The following NR6A1 variants were observed in gnomAD, a reference collection of about 807,000 sequenced individuals.
NR6A1 encodes retinoic acid receptor-related testis-associated receptor.
NR6A1 carries 7 observed loss-of-function variants against 59.1 expected under a neutral mutation model. The ratio of observed to expected loss-of-function variants is 0.12; its 90% CI spans 0.07 to 0.22. NR6A1 has a LOEUF of 0.22. NR6A1 is among the 10% of genes least tolerant of loss of function. NR6A1 has a pLI of 1.00. For synonymous variants in NR6A1, 243 were observed against 236.1 expected, an observed-to-expected ratio of 1.03 and a Z score of -0.27; for missense variants, 468 against 611.6, an observed-to-expected ratio of 0.77 and a Z score of 2.48.
At chr9:124,538,531 C>A (rs896808553) in intron 5 of NR6A1, among the ~76,000 whole-genome samples, 1 of 151,912 alleles carries the variant, frequency 6.6e-6, no homozygotes, top group Non-Finnish European at 1.5e-5. Context: ...ATGTTGGGGT[C>A]GCCACTGGAC....
chr9:124,575,810 A>G (rs1292856134), intron 2 of NR6A1, among the ~76,000 whole-genome samples: 1 of 152,192 alleles, frequency 6.6e-6, no homozygotes. Context: ...AATATAGTAA[A>G]TGCTCAAACA....
intron 2 of NR6A1, among the ~76,000 whole-genome samples, chr9:124,695,793 A>C (rs769383502): frequency 2.6e-5 from 4 of 152,200 alleles, no homozygotes; most frequent in Non-Finnish European, 4.4e-5. Context: ...TTATTTCCAA[A>C]ATTTCTGAAA....
chr9:124,748,582 C>T (rs1191612757), intron 1 of NR6A1, among the ~76,000 whole-genome samples: 2 of 152,116 alleles, frequency 1.3e-5, no homozygotes, highest in Admixed American at 6.5e-5. Flanking sequence ...TAACTTAAGC[C>T]GGGCGCAGTG....
intron 5 of NR6A1, among the ~76,000 whole-genome samples, chr9:124,539,161 T>C (rs1212135391): frequency 1.3e-5 from 2 of 151,712 alleles, no homozygotes; most frequent in Non-Finnish European, 2.9e-5. Context: ...CACCTTGACC[T>C]CCCAAAGTGC....
rs1229141268 is a variant in NR6A1 at position 124,520,829 on chromosome 9, C to T, written c.*1876G>A. On this transcript the variant is annotated 3_prime_UTR_variant, in exon 10 of 10. Coordinates refer to ENST00000487099, the MANE Select transcript of NR6A1 (RefSeq NM_033334.4). ...CCCACTGACGTGAAAAACATGCTAG[C>T]TGGAGCTTTTCCTGAGGAACATGTC... The T allele has an allele frequency of 6.6e-6, 1 of 152,230 alleles. No homozygotes were observed. The highest frequency in any genetic ancestry group is 1.5e-5 in the Non-Finnish European group (1 of 68,044). 9.4% of individuals were successfully genotyped at this position (152,230 alleles called of 1,614,324 possible). A position where few individuals can be genotyped will look rare whatever the true frequency, so the allele number is the denominator to read the frequency against.
At chr9:124,526,944 T>C (rs1306994789) in intron 7 of NR6A1, 44 bp from the exon 8 acceptor site, 3 of 1,610,688 alleles carry the variant, frequency 1.9e-6, no homozygotes, top group Admixed American at 1.7e-5. Context: ...GTGACACCAG[T>C]AGGGGCCAGG....
chr9:124,609,719 T>A (rs1483999231), intron 2 of NR6A1, among the ~76,000 whole-genome samples: 1 of 152,236 alleles, frequency 6.6e-6, no homozygotes, highest in Non-Finnish European at 1.5e-5. Context: ...ATTTTGACAA[T>A]ATTGATTCTT....
chr9:124,708,364 T>A (rs1264164434), intron 2 of NR6A1, among the ~76,000 whole-genome samples: 1 of 152,222 alleles, frequency 6.6e-6, no homozygotes, highest in Admixed American at 6.5e-5. Context: ...AAACTCCTGC[T>A]GTTCTTACCC....
At chr9:124,537,290 A>G (rs1387268528) in intron 6 of NR6A1, among the ~76,000 whole-genome samples, 1 of 152,100 alleles carries the variant, frequency 6.6e-6, no homozygotes, top group Non-Finnish European at 1.5e-5. Flanking sequence ...GGGTTTCACC[A>G]TGTTGGCCAG....
At chr9:124,719,325 G>A (rs535899038) in intron 2 of NR6A1, among the ~76,000 whole-genome samples, 1 of 152,220 alleles carries the variant, frequency 6.6e-6, no homozygotes, top group East Asian at 1.9e-4. Flanking sequence ...GAGCTCAAGG[G>A]ATCCACAAAG....
At chr9:124,640,027 AT>A (rs1217218871) in intron 2 of NR6A1, among the ~76,000 whole-genome samples, 1 of 152,172 alleles carries the variant, frequency 6.6e-6, no homozygotes, top group Non-Finnish European at 1.5e-5. Context: ...GTTTATTTCC[AT>A]TTTTAAAATG....
chr9:124,525,216 T>A (rs1832898607), intron 8 of NR6A1, among the ~76,000 whole-genome samples: 1 of 151,770 alleles, frequency 6.6e-6, no homozygotes, highest in Non-Finnish European at 1.5e-5. Context: ...CTTCACAATA[T>A]CTTTAAATTT....
At chr9:124,700,665 T>C (rs114509961) in intron 2 of NR6A1, among the ~76,000 whole-genome samples, 1,567 of 152,240 alleles carry the variant, frequency 0.01, 27 homozygotes, top group African/African-American at 0.036. Context: ...TGTTTATCCA[T>C]TCACCAGCTG....
intron 2 of NR6A1, among the ~76,000 whole-genome samples, chr9:124,647,327 C>T (rs1339301206): frequency 6.6e-6 from 1 of 152,092 alleles, no homozygotes; most frequent in Non-Finnish European, 1.5e-5. Flanking sequence ...GGAGACATTT[C>T]AGAAATACAA....
intron 2 of NR6A1, among the ~76,000 whole-genome samples, chr9:124,591,261 T>C (rs1414490739): frequency 6.6e-6 from 1 of 152,236 alleles, no homozygotes; most frequent in African/African-American, 2.4e-5. Flanking sequence ...ACATTAAGCA[T>C]GTTCTGGGCA....
At chr9:124,763,347 TACTC>T (rs1840834035) in intron 1 of NR6A1, among the ~76,000 whole-genome samples, 1 of 152,238 alleles carries the variant, frequency 6.6e-6, no homozygotes, top group South Asian at 2.1e-4. Flanking sequence ...CAACAGTTTT[TACTC>T]ACTATTGTTT....
chr9:124,731,974 G>A (rs1362302769), intron 2 of NR6A1, among the ~76,000 whole-genome samples: 1 of 151,974 alleles, frequency 6.6e-6, no homozygotes, highest in African/African-American at 2.4e-5. Flanking sequence ...TATAGCTGCT[G>A]GTATACTGGG....
At chr9:124,743,373 G>C (rs757999382) in intron 1 of NR6A1, among the ~76,000 whole-genome samples, 1 of 152,236 alleles carries the variant, frequency 6.6e-6, no homozygotes, top group Non-Finnish European at 1.5e-5. Flanking sequence ...AGAGCTTTAA[G>C]TAGTAGCTCT....
intron 2 of NR6A1, among the ~76,000 whole-genome samples, chr9:124,573,337 C>CAT (rs778838406): frequency 1.3e-5 from 2 of 152,202 alleles, no homozygotes; most frequent in Non-Finnish European, 2.9e-5. Flanking sequence ...TGAACACTAG[C>CAT]ATACTTCCAT....
Sources: gnomAD v4.1 joint callset for allele counts (sites outside exome capture counted in the v4.1 genomes callset) on GRCh38, gnomAD v4.1.1 for gene constraint, MANE v1.5 for transcripts, NCBI Gene and HGNC (gene_info 2026-07-23, HGNC 2026-07-21) for gene names.